CDH13: variants seen among roughly 807,000 people sequenced by gnomAD.
CDH13 encodes cadherin-13.
CDH13 carries 24 observed loss-of-function variants against 63.8 expected under a neutral mutation model. That is an observed-to-expected ratio of 0.38 (90% CI 0.27 to 0.53). The LOEUF is 0.53. CDH13 is among the 20% of genes least tolerant of loss of function. The pLI is 0.85. For synonymous variants in CDH13, 503 were observed against 355.3 expected (o/e 1.42, Z -4.67); for missense variants, 1,049 against 903.1 (o/e 1.16, Z -2.07).
At chr16:82,964,371 T>G (rs956341185) in intron 2 of CDH13, among the ~76,000 whole-genome samples, 14 of 152,206 alleles carry the variant, frequency 9.2e-5, no homozygotes, top group Admixed American at 3.3e-4. Flanking sequence ...ACACCACCAA[T>G]GTACTTCGGT....
intron 3 of CDH13, among the ~76,000 whole-genome samples, chr16:83,110,742 G>C (rs1336573369): frequency 6.6e-6 from 1 of 151,964 alleles, no homozygotes; most frequent in African/African-American, 2.4e-5. Flanking sequence ...TTTTGCCAGG[G>C]TCGGGCTTCT....
At chr16:82,917,453 C>A (rs899526280) in intron 2 of CDH13, among the ~76,000 whole-genome samples, 1 of 152,050 alleles carries the variant, frequency 6.6e-6, no homozygotes, top group Non-Finnish European at 1.5e-5. Context: ...GGCTATCTAA[C>A]TGTGAAAACC....
intron 7 of CDH13, among the ~76,000 whole-genome samples, chr16:83,503,005 G>A (rs145478165): frequency 4.5e-4 from 69 of 152,280 alleles, no homozygotes; most frequent in African/African-American, 1.3e-3. Flanking sequence ...AGGGCACAGC[G>A]GAGCTCGTTG....
intron 7 of CDH13, among the ~76,000 whole-genome samples, chr16:83,554,925 T>TC (rs2075573961): frequency 1.3e-5 from 2 of 149,744 alleles, no homozygotes; most frequent in East Asian, 2.0e-4. Context: ...GAATCTTTTT[T>TC]TTTTTTTTTT....
chr16:83,501,521 G>T (rs967112809), intron 7 of CDH13, among the ~76,000 whole-genome samples: 15 of 152,172 alleles, frequency 9.9e-5, no homozygotes, highest in African/African-American at 3.4e-4. Flanking sequence ...AGTTTATGTT[G>T]TGCTCAGCAT....
intron 1 of CDH13, among the ~76,000 whole-genome samples, chr16:82,630,648 A>T (rs1298301691): frequency 6.6e-6 from 1 of 152,216 alleles, no homozygotes; most frequent in African/African-American, 2.4e-5. Flanking sequence ...TCTGAAGTTC[A>T]ATGTTTAGGT....
At chr16:83,330,598 C>T (rs945672839) in intron 5 of CDH13, among the ~76,000 whole-genome samples, 2 of 152,148 alleles carry the variant, frequency 1.3e-5, no homozygotes, top group African/African-American at 4.8e-5. Context: ...ACCAATGTAG[C>T]ACAGATAGGG....
At chr16:83,506,579 C>A (rs1343718605) in intron 7 of CDH13, among the ~76,000 whole-genome samples, 3 of 152,172 alleles carry the variant, frequency 2.0e-5, no homozygotes, top group Non-Finnish European at 4.4e-5. Flanking sequence ...GGTAGCCAGC[C>A]CCCAGGAGGG....
At chr16:83,691,274 T>C (rs1407948615) in intron 10 of CDH13, among the ~76,000 whole-genome samples, 1 of 152,100 alleles carries the variant, frequency 6.6e-6, no homozygotes, top group African/African-American at 2.4e-5. Flanking sequence ...CTTGTTCTTG[T>C]TGAGTTTGAG....
Position 82,788,966 on chromosome 16 carries a change from TC to T in CDH13, c.46-69392del. On this transcript the variant is annotated intron_variant, in intron 1 of 13. Coordinates refer to ENST00000567109, the MANE Select transcript of CDH13 (RefSeq NM_001257.5). ...GGTAGAGGTGAGCTTCCGGGCTGAA[TC>T]CCCTACTAGGCCGTTAGTCAATTGT... 2.6e-5 allele frequency among the ~76,000 whole-genome samples: 4 copies of T among 152,294 alleles called. 2 individuals are homozygous for T. The highest frequency in any genetic ancestry group is 2.6e-4 in the Admixed American group (4 of 15,298).
chr16:83,789,337 C>CT (rs148503283), intron 13 of CDH13, among the ~76,000 whole-genome samples: 50,061 of 131,152 alleles, frequency 0.38, 10,077 homozygotes, highest in East Asian at 0.65. Flanking sequence ...TAGTAGCTTT[C>CT]TTTTTTTTTG....
intron 7 of CDH13, among the ~76,000 whole-genome samples, chr16:83,487,955 G>C (rs1166450137): frequency 6.6e-6 from 1 of 152,104 alleles, no homozygotes; most frequent in African/African-American, 2.4e-5. Flanking sequence ...TCCCATCTCT[G>C]ACTACTCTTG....
At chr16:83,097,404 T>G (rs2034259791) in intron 3 of CDH13, among the ~76,000 whole-genome samples, 1 of 152,252 alleles carries the variant, frequency 6.6e-6, no homozygotes, top group African/African-American at 2.4e-5. Context: ...CTTCTATTTT[T>G]ATTTTTAAAT....
intron 8 of CDH13, among the ~76,000 whole-genome samples, chr16:83,643,810 T>C (rs1334424360): frequency 6.6e-6 from 1 of 152,198 alleles, no homozygotes; most frequent in East Asian, 1.9e-4. Context: ...TTAATCATAA[T>C]GTCAAACATG....
chr16:82,794,304 C>G (rs1458194542), intron 1 of CDH13, among the ~76,000 whole-genome samples: 3 of 149,962 alleles, frequency 2.0e-5, no homozygotes, highest in African/African-American at 4.8e-5. Flanking sequence ...TTTAAATCCT[C>G]TCTACAAACT....
At chr16:83,256,784 G>C (rs75433670) in intron 5 of CDH13, among the ~76,000 whole-genome samples, 10,434 of 144,830 alleles carry the variant, frequency 0.072, 511 homozygotes, top group East Asian at 0.25. Flanking sequence ...GGCGGAGCTT[G>C]CAGTGAGCCG....
chr16:83,282,945 A>C (rs1300238375), intron 5 of CDH13, among the ~76,000 whole-genome samples: 2 of 152,216 alleles, frequency 1.3e-5, no homozygotes, highest in African/African-American at 4.8e-5. Context: ...TAATTTGTAT[A>C]ATGCTCTAGT....
chr16:82,850,086 T>C (rs918850737), intron 1 of CDH13, among the ~76,000 whole-genome samples: 3 of 152,244 alleles, frequency 2.0e-5, no homozygotes, highest in Non-Finnish European at 2.9e-5. Context: ...CTTTCAAGTC[T>C]TACTATCAAA....
At chr16:83,346,130 G>GCGCTC (rs1197376905) in intron 6 of CDH13, among the ~76,000 whole-genome samples, 2 of 152,152 alleles carry the variant, frequency 1.3e-5, no homozygotes, top group Non-Finnish European at 2.9e-5. Flanking sequence ...AGCTTTAAAT[G>GCGCTC]CGCTCCGTAA....
Sources: allele counts gnomAD v4.1 joint callset (sites outside exome capture counted in the v4.1 genomes callset), GRCh38; gene constraint gnomAD v4.1.1; transcripts MANE v1.5; gene names NCBI Gene and HGNC (gene_info 2026-07-23, HGNC 2026-07-21).